Variants in UNC13C observed in about 807,000 individuals in gnomAD.
UNC13C encodes unc-13 homolog C.
UNC13C carries 174 observed loss-of-function variants against 245.4 expected under a neutral mutation model. The observed-to-expected ratio is 0.71, with a 90% confidence interval of 0.63 to 0.80. UNC13C has a LOEUF of 0.80. Among genes scored for constraint, UNC13C ranks in the 30% least tolerant of loss-of-function variants. The pLI, the probability that UNC13C is intolerant of heterozygous loss-of-function variation, is 0.00. For synonymous variants in UNC13C, 992 were observed against 895.1 expected (o/e 1.11, Z -1.93); for missense variants, 2,829 against 2,602.9 (o/e 1.09, Z -1.89).
Position 54,312,659 on chromosome 15 carries a change from A to G in UNC13C, c.4269-9280A>G, listed in dbSNP as rs4301967. Among the ~76,000 whole-genome samples the G allele has an allele frequency of 8.7e-3, 1,324 of 151,762 alleles. 24 individuals are homozygous for G. The highest frequency in any genetic ancestry group is 0.018 in the East Asian group (90 of 5,100). ...AATCTTGGGAGTTTTATGCTCTTTA[A>G]TGGATATAGAGTGAGAAGGTGTGGG... is the stretch of plus-strand genomic sequence containing the variant. On this transcript the variant is annotated intron_variant, in intron 13 of 32. Transcript: ENST00000260323.
intron 17 of UNC13C, among the ~76,000 whole-genome samples, chr15:54,387,048 G>A (rs1321873100): frequency 6.6e-6 from 1 of 152,146 alleles, no homozygotes; most frequent in Non-Finnish European, 1.5e-5. Context: ...TGAAACTTTA[G>A]GTTCTACTTC....
chr15:54,154,332 C>T (rs1442041315), intron 4 of UNC13C, among the ~76,000 whole-genome samples: 4 of 151,970 alleles, frequency 2.6e-5, no homozygotes, highest in South Asian at 4.1e-4. Flanking sequence ...TGAATATGGA[C>T]TTAGATTGTT....
intron 2 of UNC13C, among the ~76,000 whole-genome samples, chr15:54,038,787 C>T (rs1896695963): frequency 6.6e-6 from 1 of 152,112 alleles, no homozygotes; most frequent in Non-Finnish European, 1.5e-5. Flanking sequence ...TCCAAAGACT[C>T]CTATGTTTAA....
Position 54,204,933 on chromosome 15 carries a change from T to C in UNC13C, c.3072-30097T>C, listed in dbSNP as rs535798058. Among the ~76,000 whole-genome samples, 26 of 152,148 alleles carry C rather than the reference T, an allele frequency of 1.7e-4. 1 individual carries two copies. Among genetic ancestry groups the C allele is most frequent in the African/African-American group, 6.0e-4 (25 of 41,564 alleles). On this transcript the variant is annotated intron_variant, in intron 4 of 32. Transcript: ENST00000260323. ...TCATTACATATAAGTCATTTAATCA[T>C]AAAACAGTTTCAATGTCATGTTAAA...
intron 4 of UNC13C, among the ~76,000 whole-genome samples, chr15:54,194,410 T>A (rs1029678379): frequency 6.6e-6 from 1 of 152,172 alleles, no homozygotes; most frequent in Non-Finnish European, 1.5e-5. Flanking sequence ...TTCAAAGTTC[T>A]TGGACATTAT....
intron 11 of UNC13C, among the ~76,000 whole-genome samples, 167 bp from the exon 12 acceptor site, chr15:54,297,644 A>G (rs920929795): frequency 6.6e-6 from 1 of 152,222 alleles, no homozygotes; most frequent in Non-Finnish European, 1.5e-5. Flanking sequence ...AAGAGCTACC[A>G]CATATGGCCT....
chr15:54,492,214 C>G (rs1233502055), intron 19 of UNC13C, among the ~76,000 whole-genome samples: 1 of 152,008 alleles, frequency 6.6e-6, no homozygotes, highest in African/African-American at 2.4e-5. Context: ...CTTTCAAATA[C>G]AAAAATTAAA....
intron 7 of UNC13C, among the ~76,000 whole-genome samples, chr15:54,242,908 C>T (rs1026042448): frequency 3.3e-5 from 5 of 152,154 alleles, no homozygotes; most frequent in African/African-American, 1.2e-4. Flanking sequence ...TACATGGGAT[C>T]TATTTATAGG....
At chr15:54,145,071 C>T (rs1051521927) in intron 4 of UNC13C, among the ~76,000 whole-genome samples, 3 of 151,884 alleles carry the variant, frequency 2.0e-5, no homozygotes, top group African/African-American at 7.2e-5. Context: ...GAATTACATA[C>T]ATGAGCCACC....
intron 17 of UNC13C, among the ~76,000 whole-genome samples, chr15:54,360,382 C>T (rs904155085): frequency 1.3e-5 from 2 of 151,966 alleles, no homozygotes; most frequent in African/African-American, 4.8e-5. Context: ...AACAATCTGT[C>T]CATTGCTGAA....
intron 7 of UNC13C, among the ~76,000 whole-genome samples, chr15:54,240,270 A>G (rs1157441866): frequency 2.6e-5 from 4 of 152,204 alleles, no homozygotes; most frequent in African/African-American, 4.8e-5. Context: ...TAAATGAACT[A>G]TGACTTCTGT....
intron 4 of UNC13C, among the ~76,000 whole-genome samples, chr15:54,158,595 A>G (rs2032849228): frequency 6.6e-6 from 1 of 152,144 alleles, no homozygotes; most frequent in African/African-American, 2.4e-5. Flanking sequence ...CTGGGATTAC[A>G]GGTGTGAGCC....
chr15:54,605,321 A>G lies in UNC13C; in HGVS notation c.6107-17006A>G, dbSNP rs80080990. 2.0e-3 allele frequency among the ~76,000 whole-genome samples: 303 copies of G among 152,250 alleles called. 4 individuals are homozygous for G. Among genetic ancestry groups the G allele is most frequent in the African/African-American group, 7.0e-3 (290 of 41,538 alleles). On this transcript the variant is annotated intron_variant, in intron 30 of 32. Transcript: ENST00000260323. ...CTTTTAAGCTTAGCACTCTGAGCCAATCCCCAGTCTTAATGAGGTGCTCTT... is the reference window on the plus strand; with the variant it reads ...CTTTTAAGCTTAGCACTCTGAGCCAGTCCCCAGTCTTAATGAGGTGCTCTT...
At chr15:53,912,901 G>A in the UNC13C span, 1 of 152,218 alleles carries the variant, frequency 6.6e-6, no homozygotes, top group Non-Finnish European at 1.5e-5. Flanking sequence ...ACTGAATAAA[G>A]CAACATCCCC....
the UNC13C span, among the ~76,000 whole-genome samples, chr15:53,936,267 A>G: frequency 2.0e-5 from 3 of 151,916 alleles, no homozygotes; most frequent in Non-Finnish European, 2.9e-5. Flanking sequence ...TCATGGCCAG[A>G]CTGCTCCTTT....
At chr15:54,146,026 C>G (rs897454426) in intron 4 of UNC13C, among the ~76,000 whole-genome samples, 6 of 152,120 alleles carry the variant, frequency 3.9e-5, no homozygotes, top group African/African-American at 1.4e-4. Flanking sequence ...TGATAATTTT[C>G]AGTCATCAAG....
At chr15:54,450,768 G>A (rs879514931) in intron 19 of UNC13C, among the ~76,000 whole-genome samples, 7 of 152,070 alleles carry the variant, frequency 4.6e-5, no homozygotes, top group African/African-American at 7.2e-5. Flanking sequence ...GGTGCACTGC[G>A]CCCACTGTCC....
rs77907537 is a variant in UNC13C, at chr15:54,375,752, G to A, written c.4714-17296G>A. The stretch of plus-strand genomic sequence containing the variant: ...TCTGCCAACAATGATGTGAGTTTGC[G>A]TGAGGACCCTGAACTCAGATGAAAC... On this transcript the variant is annotated intron_variant, in intron 17 of 32. Transcript: ENST00000260323. Among the ~76,000 whole-genome samples the A allele has an allele frequency of 8.7e-3, 1,325 of 152,248 alleles. 25 individuals carry two copies. Among genetic ancestry groups the A allele is most frequent in the African/African-American group, 0.03 (1,254 of 41,546 alleles).
At chr15:54,609,979 T>A (rs1899989219) in intron 30 of UNC13C, among the ~76,000 whole-genome samples, 1 of 152,094 alleles carries the variant, frequency 6.6e-6, no homozygotes, top group South Asian at 2.1e-4. Flanking sequence ...GAGAAGAGCA[T>A]GGGGGAAGTG....
Sources: gnomAD v4.1 joint callset for allele counts (sites outside exome capture counted in the v4.1 genomes callset) on GRCh38, gnomAD v4.1.1 for gene constraint, MANE v1.5 for transcripts, NCBI Gene and HGNC (gene_info 2026-07-23, HGNC 2026-07-21) for gene names.